The following SH3RF3 variants were observed in gnomAD, a reference collection of about 807,000 sequenced individuals.
The protein encoded by SH3RF3 is SH3 domain containing ring finger 3, also known as E3 ubiquitin-protein ligase SH3RF3.
A neutral mutation model predicts 66.3 loss-of-function variants in SH3RF3; 29 were observed. The ratio of observed to expected loss-of-function variants is 0.44; its 90% CI spans 0.33 to 0.60. The LOEUF is 0.60. Among genes scored for constraint, SH3RF3 ranks in the 20% least tolerant of loss-of-function variants. The pLI is 0.04. For synonymous variants in SH3RF3, 583 were observed against 532.0 expected, an observed-to-expected ratio of 1.10 and a Z score of -1.32; for missense variants, 1,194 against 1,190.9, an observed-to-expected ratio of 1.00 and a Z score of -0.04.
rs541552971 is a variant in SH3RF3, at chr2:109,134,871, A to G, written c.573+4758A>G. Among the ~76,000 whole-genome samples, 14 of 152,346 alleles carry G rather than the reference A, an allele frequency of 9.2e-5. 1 individual carries two copies. In the East Asian group the frequency reaches 2.7e-3, roughly 29 times the overall value. ...GAGTGCACAGAGCAGTGTGGCCCAC[A>G]GGAAACAGCATCAAATCTGTTGTGG... is the stretch of plus-strand genomic sequence containing the variant. On this transcript the variant is annotated intron_variant, in intron 1 of 9. Coordinates refer to ENST00000309415, the MANE Select transcript of SH3RF3 (RefSeq NM_001099289.3).
chr2:109,271,459 T>C lies in SH3RF3; in HGVS notation c.574-76215T>C, dbSNP rs185043543. On this transcript the variant is annotated intron_variant, in intron 1 of 9. Transcript: ENST00000309415. Reference sequence around the variant, plus strand: ...GTTTTTCAACAATGGATACAGACCATATTGCTGTTCACTTTCCCGTAAATC... The same window carrying C: ...GTTTTTCAACAATGGATACAGACCACATTGCTGTTCACTTTCCCGTAAATC... Among the ~76,000 whole-genome samples the C allele has an allele frequency of 7.4e-4, 112 of 152,336 alleles. 1 individual carries two copies. The highest frequency in any genetic ancestry group is 1.9e-4 in the East Asian group (1 of 5,174).
At chr2:109,359,095 G>A (rs1233342283) in intron 2 of SH3RF3, among the ~76,000 whole-genome samples, 1 of 152,106 alleles carries the variant, frequency 6.6e-6, no homozygotes, top group Non-Finnish European at 1.5e-5. Flanking sequence ...CTGTATTTAT[G>A]TGGGTTTATT....
chr2:109,244,624 G>A (rs1322828029), intron 1 of SH3RF3, among the ~76,000 whole-genome samples: 1 of 152,236 alleles, frequency 6.6e-6, no homozygotes, highest in Admixed American at 6.5e-5. Context: ...AAGAATGCCA[G>A]TTAGCAGGAG....
intron 3 of SH3RF3, among the ~76,000 whole-genome samples, chr2:109,386,205 G>T (rs1274165741): frequency 6.6e-6 from 1 of 152,238 alleles, no homozygotes; most frequent in Non-Finnish European, 1.5e-5. Context: ...GAGGGAAGGA[G>T]GAAGTGACCC....
intron 1 of SH3RF3, among the ~76,000 whole-genome samples, chr2:109,200,784 C>T (rs1574500934): frequency 2.0e-5 from 3 of 152,344 alleles, no homozygotes; most frequent in Admixed American, 2.0e-4. Flanking sequence ...TTAGGGCCGG[C>T]TGAGCACAGA....
intron 1 of SH3RF3, among the ~76,000 whole-genome samples, chr2:109,228,778 G>GATGT (rs1558969824): frequency 6.6e-6 from 1 of 152,180 alleles, no homozygotes; most frequent in Non-Finnish European, 1.5e-5. Context: ...TGTGGAGTTA[G>GATGT]ATGTACCCTC....
chr2:109,425,031 G>A (rs1007862148), intron 5 of SH3RF3, among the ~76,000 whole-genome samples: 1 of 152,188 alleles, frequency 6.6e-6, no homozygotes, highest in Non-Finnish European at 1.5e-5. Context: ...GCTACTCCAG[G>A]GAACACACGA....
chr2:109,226,010 A>G (rs1679366985), intron 1 of SH3RF3, among the ~76,000 whole-genome samples: 1 of 152,248 alleles, frequency 6.6e-6, no homozygotes. Context: ...CCATTTTAAT[A>G]TTAGAGTAGT....
chr2:109,344,614 A>G (rs1210504028), intron 1 of SH3RF3, among the ~76,000 whole-genome samples: 1 of 152,180 alleles, frequency 6.6e-6, no homozygotes, highest in Non-Finnish European at 1.5e-5. Flanking sequence ...ATGGGCCAGG[A>G]GACCACTGGA....
In SH3RF3 at chr2:109,355,114, T is replaced by C. The variant is rs77316195; in HGVS notation, c.849+7165T>C. Among the ~76,000 whole-genome samples the C allele has an allele frequency of 1.7e-4, 26 of 152,314 alleles. No individual in the cohort carries two copies. The East Asian group carries it at 5.0e-3, about 29-fold the overall frequency. On this transcript the variant is annotated intron_variant, in intron 2 of 9. Coordinates refer to ENST00000309415, the MANE Select transcript of SH3RF3 (RefSeq NM_001099289.3). ...ACTGCCATATGGTAACGGCATTTGG[T>C]GTATTTTCAAAACTTGGAAATACCA...
chr2:109,139,249 C>T (rs1676882775), intron 1 of SH3RF3, among the ~76,000 whole-genome samples: 1 of 152,154 alleles, frequency 6.6e-6, no homozygotes, highest in Non-Finnish European at 1.5e-5. Context: ...GCGTGCAGAG[C>T]ATCAAGAATG....
chr2:109,338,755 A>C (rs1682485965), intron 1 of SH3RF3, among the ~76,000 whole-genome samples: 1 of 152,066 alleles, frequency 6.6e-6, no homozygotes, highest in Non-Finnish European at 1.5e-5. Flanking sequence ...ATGGAGTTTC[A>C]CCATGTTGGC....
rs72952059 is a variant in SH3RF3 at position 109,242,070 on chromosome 2, G to T, written c.574-105604G>T. 7.9e-3 allele frequency among the ~76,000 whole-genome samples: 1,209 copies of T among 152,104 alleles called. 13 individuals are homozygous for T. Among genetic ancestry groups the T allele is most frequent in the African/African-American group, 0.028 (1,154 of 41,486 alleles). Reference sequence around the variant, plus strand: ...GTGGCTGGCTCTGGTGTAGACGGGGGTGTCATAGGTAGCCTGCCACACAGG... The same window carrying T: ...GTGGCTGGCTCTGGTGTAGACGGGGTTGTCATAGGTAGCCTGCCACACAGG... On this transcript the variant is annotated intron_variant, in intron 1 of 9. Coordinates refer to ENST00000309415, the MANE Select transcript of SH3RF3 (RefSeq NM_001099289.3).
rs1679444777 is a variant in SH3RF3, at chr2:109,503,340, CTT to C, written c.*1671_*1672del. ...TACATTCTTTTGCCTGGCATGAAGA[CTT>C]TGAAACACGGGCCGCTTATTTTCAG... is the stretch of plus-strand genomic sequence containing the variant. On this transcript the variant is annotated 3_prime_UTR_variant, in exon 10 of 10. Transcript: ENST00000309415. The C allele has an allele frequency of 6.6e-6, 1 of 152,132 alleles. No individual in the cohort carries two copies. Among genetic ancestry groups the C allele is most frequent in the African/African-American group, 2.4e-5 (1 of 41,414 alleles). The allele number at this position is 152,132 out of a possible 1,614,324, so 9.4% of individuals were successfully genotyped here.
intron 1 of SH3RF3, among the ~76,000 whole-genome samples, chr2:109,332,146 G>A (rs1682302654): frequency 6.6e-6 from 1 of 152,172 alleles, no homozygotes; most frequent in African/African-American, 2.4e-5. Context: ...CACCAGAGAG[G>A]CGCTTTACCC....
At chr2:109,271,865 G>A (rs181111145) in intron 1 of SH3RF3, among the ~76,000 whole-genome samples, 2 of 152,316 alleles carry the variant, frequency 1.3e-5, no homozygotes, top group African/African-American at 2.4e-5. Context: ...TATTGAATGC[G>A]GCTAGAATCA....
chr2:109,377,173 A>G (rs185185785), intron 3 of SH3RF3, among the ~76,000 whole-genome samples: 1 of 152,346 alleles, frequency 6.6e-6, no homozygotes. Flanking sequence ...CTAATTGAGC[A>G]GCTTTTCAGG....
intron 1 of SH3RF3, among the ~76,000 whole-genome samples, chr2:109,200,514 T>A (rs1305580061): frequency 6.6e-6 from 1 of 152,134 alleles, no homozygotes; most frequent in Non-Finnish European, 1.5e-5. Flanking sequence ...GGTCCAAGCC[T>A]CCGACTCTGC....
intron 5 of SH3RF3, among the ~76,000 whole-genome samples, chr2:109,423,433 CAAT>C (rs1676936435): frequency 6.6e-6 from 1 of 152,164 alleles, no homozygotes; most frequent in African/African-American, 2.4e-5. Flanking sequence ...AAACCATCCT[CAAT>C]AACAACAGTC....
Sources: gnomAD v4.1 joint callset for allele counts (sites outside exome capture counted in the v4.1 genomes callset) on GRCh38, gnomAD v4.1.1 for gene constraint, MANE v1.5 for transcripts, NCBI Gene and HGNC (gene_info 2026-07-23, HGNC 2026-07-21) for gene names.